NFIA: variants seen among roughly 807,000 people sequenced by gnomAD.
NFIA encodes nuclear factor 1 A-type.
In NFIA, 8 loss-of-function variants were observed where a neutral mutation model predicts 62.8. The observed-to-expected ratio is 0.13, with a 90% confidence interval of 0.07 to 0.23. NFIA has a LOEUF of 0.23. Among genes scored for constraint, NFIA ranks in the 10% least tolerant of loss-of-function variants. NFIA has a pLI of 1.00. For synonymous variants in NFIA, 235 were observed against 238.1 expected (o/e 0.99, Z 0.12); for missense variants, 410 against 642.1 (o/e 0.64, Z 3.91).
chr1:61,372,635 G>T (rs1484415875), intron 6 of NFIA, among the ~76,000 whole-genome samples: 1 of 150,974 alleles, frequency 6.6e-6, no homozygotes, highest in African/African-American at 2.4e-5. Context: ...GACTCATGTA[G>T]TTGTGTGATT....
chr1:61,097,092 A>G (rs1646429832), intron 2 of NFIA, among the ~76,000 whole-genome samples: 1 of 152,230 alleles, frequency 6.6e-6, no homozygotes, highest in African/African-American at 2.4e-5. Flanking sequence ...AGGGTTGTGT[A>G]GCATCAGTTA....
At chr1:61,133,414 T>C (rs1013854666) in intron 2 of NFIA, among the ~76,000 whole-genome samples, 16 of 152,190 alleles carry the variant, frequency 1.1e-4, no homozygotes, top group African/African-American at 3.1e-4. Flanking sequence ...ACTATAGTTA[T>C]TATAAATACA....
intron 10 of NFIA, among the ~76,000 whole-genome samples, chr1:61,447,799 C>A (rs1338660893): frequency 6.6e-6 from 1 of 152,116 alleles, no homozygotes; most frequent in Admixed American, 6.5e-5. Flanking sequence ...GCCGTGTCCA[C>A]GGGGGTCTCC....
intron 9 of NFIA, among the ~76,000 whole-genome samples, chr1:61,417,721 C>T (rs1054453518): frequency 6.6e-6 from 1 of 151,740 alleles, no homozygotes; most frequent in Non-Finnish European, 1.5e-5. Context: ...ATATAATGTC[C>T]CTTATCAGAT....
At chr1:61,420,098 G>A (rs1246625660) in intron 9 of NFIA, among the ~76,000 whole-genome samples, 1 of 152,196 alleles carries the variant, frequency 6.6e-6, no homozygotes, top group African/African-American at 2.4e-5. Context: ...TGGATCATGT[G>A]TAAGTAAGGC....
chr1:61,124,719 C>T (rs1435048777), intron 2 of NFIA: 1 of 152,082 alleles, frequency 6.6e-6, no homozygotes, highest in Non-Finnish European at 1.5e-5. Flanking sequence ...CCGGATGGGA[C>T]GAAGCAGTGC....
intron 9 of NFIA, among the ~76,000 whole-genome samples, chr1:61,413,615 CTTTTTTTTTTTTTTTTT>C (rs869258274): frequency 1.5e-5 from 1 of 68,374 alleles, no homozygotes. Context: ...AAGTATTTTG[CTTTTTTTTTTTTTTTTT>C]TTTTTTTTTT....
chr1:61,077,589 C>T, upstream of NFIA: 1 of 1,367,628 alleles, frequency 7.3e-7, no homozygotes, highest in Non-Finnish European at 9.6e-7. Context: ...TTCGTCTGAG[C>T]ATTTTAAAGT....
chr1:61,325,665 T>A (rs953040782), intron 3 of NFIA, among the ~76,000 whole-genome samples: 52 of 152,158 alleles, frequency 3.4e-4, no homozygotes, highest in African/African-American at 1.2e-3. Context: ...ACGCCTGTAA[T>A]CCCAGCACTT....
At chr1:61,298,539 A>G (rs970285094) in intron 3 of NFIA, among the ~76,000 whole-genome samples, 1 of 152,194 alleles carries the variant, frequency 6.6e-6, no homozygotes, top group African/African-American at 2.4e-5. Flanking sequence ...TAGTTCAGCC[A>G]GTCAGAATGT....
At chr1:61,318,875 GAA>G (rs1030637418) in intron 3 of NFIA, among the ~76,000 whole-genome samples, 1 of 152,142 alleles carries the variant, frequency 6.6e-6, no homozygotes, top group African/African-American at 2.4e-5. Flanking sequence ...ATTTGATATA[GAA>G]ACTAGAGTAG....
chr1:61,319,446 AC>A (rs1289920594), intron 3 of NFIA, among the ~76,000 whole-genome samples: 2 of 152,148 alleles, frequency 1.3e-5, no homozygotes, highest in Non-Finnish European at 2.9e-5. Context: ...CATATGTCAT[AC>A]ATTGTACAAA....
chr1:61,095,025 CT>C (rs1216211721), intron 2 of NFIA, among the ~76,000 whole-genome samples: 1 of 152,146 alleles, frequency 6.6e-6, no homozygotes, highest in African/African-American at 2.4e-5. Context: ...TTTGGCAAAT[CT>C]TGGTCTTCTT....
In NFIA at chr1:61,301,033, A is replaced by T. The variant is rs562505128; in HGVS notation, c.625+23448A>T. 2.0e-5 allele frequency among the ~76,000 whole-genome samples: 3 copies of T among 152,196 alleles called. No individual in the cohort carries two copies. In the East Asian group the frequency reaches 5.8e-4, roughly 29 times the overall value. On this transcript the variant is annotated intron_variant, in intron 3 of 10. Transcript: ENST00000403491. ...CCTGGCAGCCAAAGGAAAAAGAGAA[A>T]CGTATGATTAATCATGTGGTTCTCA...
intron 2 of NFIA, among the ~76,000 whole-genome samples, chr1:61,172,499 T>C (rs1469220343): frequency 6.6e-6 from 1 of 152,246 alleles, no homozygotes; most frequent in Non-Finnish European, 1.5e-5. Flanking sequence ...AACAAGAAGC[T>C]GACTTTAGCA....
At chr1:61,340,873 C>G (rs1374010352) in intron 4 of NFIA, among the ~76,000 whole-genome samples, 1 of 152,060 alleles carries the variant, frequency 6.6e-6, no homozygotes, top group South Asian at 2.1e-4. Flanking sequence ...ATTGTTTTTC[C>G]TCAAATTTTC....
At chr1:61,154,194 G>A (rs1459209876) in intron 2 of NFIA, among the ~76,000 whole-genome samples, 1 of 152,074 alleles carries the variant, frequency 6.6e-6, no homozygotes, top group African/African-American at 2.4e-5. Context: ...CCGTCTCCCA[G>A]GCTTGAGTGC....
intron 2 of NFIA, among the ~76,000 whole-genome samples, chr1:61,162,881 A>C (rs902236260): frequency 6.6e-6 from 1 of 151,910 alleles, no homozygotes; most frequent in Admixed American, 6.6e-5. Context: ...AAACAGAGTG[A>C]AAGTTTATAT....
At chr1:61,191,437 T>C (rs978686536) in intron 2 of NFIA, among the ~76,000 whole-genome samples, 2 of 152,104 alleles carry the variant, frequency 1.3e-5, no homozygotes, top group Non-Finnish European at 2.9e-5. Context: ...CCACCAATTC[T>C]GTTTGTCTCT....
Sources: gnomAD v4.1 joint callset for allele counts (sites outside exome capture counted in the v4.1 genomes callset) on GRCh38, gnomAD v4.1.1 for gene constraint, MANE v1.5 for transcripts, NCBI Gene and HGNC (gene_info 2026-07-23, HGNC 2026-07-21) for gene names.